Variants in ADGRL2 observed in about 807,000 individuals in gnomAD.
The protein encoded by ADGRL2 is adhesion G protein-coupled receptor L2, also known as calcium-independent alpha-latrotoxin receptor 2.
A neutral mutation model predicts 157.4 loss-of-function variants in ADGRL2; 44 were observed. The observed-to-expected ratio is 0.28, with a 90% CI of 0.22 to 0.36. ADGRL2 has a LOEUF of 0.36. ADGRL2 is among the 10% of genes least tolerant of loss of function. ADGRL2 has a pLI of 1.00. For synonymous variants in ADGRL2, 585 were observed against 624.7 expected (o/e 0.94, Z 0.95); for missense variants, 1,510 against 1,768.9 (o/e 0.85, Z 2.63).
intron 2 of ADGRL2, among the ~76,000 whole-genome samples, chr1:81,486,303 A>C (rs972574242): frequency 1.3e-5 from 2 of 152,192 alleles, no homozygotes; most frequent in Non-Finnish European, 2.9e-5. Context: ...CAAGGTCAGG[A>C]ACCAAGCTAT....
intron 1 of ADGRL2, among the ~76,000 whole-genome samples, chr1:81,399,675 C>T (rs4529755): frequency 0.69 from 104,512 of 152,046 alleles, 36,334 homozygotes; most frequent in East Asian, 0.94. Flanking sequence ...CTTGTTCATA[C>T]TATGAATTGT....
At chr1:81,325,632 G>A (rs1053644931) in intron 1 of ADGRL2, among the ~76,000 whole-genome samples, 4 of 152,172 alleles carry the variant, frequency 2.6e-5, no homozygotes, top group Non-Finnish European at 5.9e-5. Context: ...AGTCACAGAG[G>A]TTAGAAGCCA....
At chr1:81,932,747 G>A (rs183462600) in intron 3 of ADGRL2, among the ~76,000 whole-genome samples, 2 of 152,208 alleles carry the variant, frequency 1.3e-5, no homozygotes, top group Admixed American at 6.5e-5. Context: ...AGGCTGGAGT[G>A]CAATGGTGCA....
intron 1 of ADGRL2, among the ~76,000 whole-genome samples, chr1:81,331,215 A>T (rs1661244558): frequency 6.6e-6 from 1 of 152,204 alleles, no homozygotes; most frequent in Admixed American, 6.5e-5. Flanking sequence ...AACATCAGAC[A>T]GTATGAAATT....
intron 1 of ADGRL2, among the ~76,000 whole-genome samples, chr1:81,744,517 A>C (rs915545712): frequency 3.3e-5 from 5 of 152,138 alleles, no homozygotes; most frequent in African/African-American, 1.2e-4. Flanking sequence ...CATAAGGATA[A>C]AATGTTACTG....
chr1:81,308,056 G>A (rs1180386447), intron 1 of ADGRL2, among the ~76,000 whole-genome samples: 1 of 151,876 alleles, frequency 6.6e-6, no homozygotes, highest in Non-Finnish European at 1.5e-5. Flanking sequence ...CAAGCTACTC[G>A]GCTAGGATAG....
chr1:81,987,082 T>C (rs1663378826), intron 22 of ADGRL2, 53 bp downstream of exon 22: 1 of 1,576,114 alleles, frequency 6.3e-7, no homozygotes, highest in Non-Finnish European at 8.6e-7. Flanking sequence ...AACAGAGCTA[T>C]GATCTTTGCC....
chr1:81,845,967 A>C (rs1313395425), intron 2 of ADGRL2, among the ~76,000 whole-genome samples: 1 of 151,936 alleles, frequency 6.6e-6, no homozygotes, highest in African/African-American at 2.4e-5. Flanking sequence ...TCTTGATCTC[A>C]GTTAAATATT....
intron 2 of ADGRL2, among the ~76,000 whole-genome samples, chr1:81,570,668 C>A (rs1438831215): frequency 6.6e-6 from 1 of 152,168 alleles, no homozygotes; most frequent in African/African-American, 2.4e-5. Flanking sequence ...AGATTACAGA[C>A]GTGAGCCACT....
chr1:81,631,428 G>A (rs1222679377), intron 3 of ADGRL2, among the ~76,000 whole-genome samples: 1 of 152,066 alleles, frequency 6.6e-6, no homozygotes, highest in South Asian at 2.1e-4. Flanking sequence ...TGTTGGCCAG[G>A]CTGGTCTGGA....
intron 2 of ADGRL2, among the ~76,000 whole-genome samples, chr1:81,792,301 CA>C (rs1353797539): frequency 6.6e-6 from 1 of 152,160 alleles, no homozygotes; most frequent in Non-Finnish European, 1.5e-5. Context: ...GGCCTTCTAA[CA>C]GGGGTCCTAT....
chr1:81,722,937 A>T, intron 1 of ADGRL2: 1 of 753,882 alleles, frequency 1.3e-6, no homozygotes, highest in Non-Finnish European at 2.4e-6. Flanking sequence ...GTTCTTGCAG[A>T]CATGCAGGAT....
At chr1:81,830,305 TGACTG>T (rs1268870603) in intron 1 of ADGRL2, among the ~76,000 whole-genome samples, 3 of 152,154 alleles carry the variant, frequency 2.0e-5, no homozygotes, top group South Asian at 2.1e-4. Flanking sequence ...TTCATTGACT[TGACTG>T]GACATACATG....
At chr1:81,868,091 G>GTT (rs1260765321) in intron 2 of ADGRL2, among the ~76,000 whole-genome samples, 1 of 151,482 alleles carries the variant, frequency 6.6e-6, no homozygotes, top group Non-Finnish European at 1.5e-5. Flanking sequence ...GTGTGTGTGT[G>GTT]TGTGATAAAA....
chr1:81,829,977 G>A lies in ADGRL2; in HGVS notation c.-100-6908G>A, dbSNP rs111661636. Among the ~76,000 whole-genome samples, 82 of 152,170 alleles carry A rather than the reference G, an allele frequency of 5.4e-4. 1 individual carries two copies. The highest frequency in any genetic ancestry group is 3.4e-3 in the Middle Eastern group (1 of 294). ...AGATGACTGATTGATCTAGGTACAC[G>A]TCTCAAGGAAACACAGATCCAGAAA... On this transcript the variant is annotated intron_variant, in intron 1 of 23. Coordinates refer to ENST00000686636, the MANE Select transcript of ADGRL2 (RefSeq NM_001366006.2).
At chr1:81,916,798 A>AT (rs1386004871) in intron 3 of ADGRL2, among the ~76,000 whole-genome samples, 1 of 151,958 alleles carries the variant, frequency 6.6e-6, no homozygotes, top group African/African-American at 2.4e-5. Flanking sequence ...ATTCTTGTAC[A>AT]TTTTAAGGAG....
intron 1 of ADGRL2, among the ~76,000 whole-genome samples, chr1:81,709,154 A>T (rs1313009774): frequency 1.3e-5 from 2 of 152,210 alleles, no homozygotes; most frequent in East Asian, 3.8e-4. Context: ...TGATTGAACA[A>T]GTTATCCTTA....
chr1:81,561,845 C>T (rs1463034990), intron 2 of ADGRL2, among the ~76,000 whole-genome samples: 1 of 152,058 alleles, frequency 6.6e-6, no homozygotes, highest in Non-Finnish European at 1.5e-5. Flanking sequence ...TGTCCTGGCC[C>T]AGATCTAAAA....
intron 2 of ADGRL2, among the ~76,000 whole-genome samples, chr1:81,896,104 TAG>T (rs2094383004): frequency 1.3e-5 from 2 of 152,146 alleles, no homozygotes; most frequent in Admixed American, 1.3e-4. Context: ...TTAAATAACA[TAG>T]AGTTGGAAAT....
Sources: gnomAD v4.1 joint callset for allele counts (sites outside exome capture counted in the v4.1 genomes callset) on GRCh38, gnomAD v4.1.1 for gene constraint, MANE v1.5 for transcripts, NCBI Gene and HGNC (gene_info 2026-07-23, HGNC 2026-07-21) for gene names.